TYW1: variants seen among roughly 807,000 people sequenced by gnomAD.
TYW1 encodes tRNA-yW synthesizing protein 1 homolog, also known as S-adenosyl-L-methionine-dependent tRNA 4-demethylwyosine synthase TYW1.
TYW1 carries 46 observed loss-of-function variants against 96.2 expected under a neutral mutation model. The ratio of observed to expected loss-of-function variants is 0.48; its 90% CI spans 0.38 to 0.61. The LOEUF is 0.61. TYW1 is among the 20% of genes least tolerant of loss of function. TYW1 has a pLI of 0.00. For synonymous variants in TYW1, 274 were observed against 323.0 expected, an observed-to-expected ratio of 0.85 and a Z score of 1.63; for missense variants, 684 against 909.6, an observed-to-expected ratio of 0.75 and a Z score of 3.19.
At chr7:67,042,324 C>T (rs73134229) in intron 7 of TYW1, among the ~76,000 whole-genome samples, 12 of 146,666 alleles carry the variant, frequency 8.2e-5, no homozygotes, top group Non-Finnish European at 1.5e-4. Context: ...ACCTCCCTCC[C>T]TCTGTAGTAC....
intron 13 of TYW1, among the ~76,000 whole-genome samples, chr7:67,129,357 T>G (rs1797995270): frequency 6.6e-6 from 1 of 152,202 alleles, no homozygotes. Context: ...TAGGTAAAAC[T>G]CACAAAAGTG....
chr7:67,003,718 A>G (rs1431257992), intron 3 of TYW1, among the ~76,000 whole-genome samples: 1 of 152,192 alleles, frequency 6.6e-6, no homozygotes, highest in Non-Finnish European at 1.5e-5. Context: ...GCAAGGTTGT[A>G]TTTTTTGTAG....
At chr7:67,159,194 A>G (rs1273825357) in intron 13 of TYW1, among the ~76,000 whole-genome samples, 1 of 152,134 alleles carries the variant, frequency 6.6e-6, no homozygotes, top group Admixed American at 6.6e-5. Flanking sequence ...ATTGCTGCAT[A>G]TTCATTAGTT....
At chr7:67,141,874 A>G (rs530577954) in intron 13 of TYW1, among the ~76,000 whole-genome samples, 1 of 152,266 alleles carries the variant, frequency 6.6e-6, no homozygotes, top group South Asian at 2.1e-4. Context: ...CCTCTCTACT[A>G]AAAATACAAA....
intron 12 of TYW1, among the ~76,000 whole-genome samples, chr7:67,103,853 A>T (rs1416611965): frequency 6.6e-6 from 1 of 152,202 alleles, no homozygotes; most frequent in East Asian, 1.9e-4. Flanking sequence ...CAGCCATGTC[A>T]TCTTTGAGCA....
At chr7:67,040,796 A>G (rs1438208206) in intron 7 of TYW1, among the ~76,000 whole-genome samples, 1 of 152,060 alleles carries the variant, frequency 6.6e-6, no homozygotes, top group African/African-American at 2.4e-5. Flanking sequence ...GTGAGCCGAG[A>G]TCACGCCACT....
chr7:67,193,596 T>G (rs1800293530), intron 14 of TYW1, among the ~76,000 whole-genome samples: 1 of 152,012 alleles, frequency 6.6e-6, no homozygotes, highest in African/African-American at 2.4e-5. Flanking sequence ...CCATCTCTAC[T>G]AAAAATACAA....
At chr7:67,025,748 T>C (rs1447661881) in intron 7 of TYW1, among the ~76,000 whole-genome samples, 5 of 152,096 alleles carry the variant, frequency 3.3e-5, no homozygotes, top group African/African-American at 1.2e-4. Context: ...ATTCCAGTGA[T>C]CTAAAATTGA....
At chr7:67,141,160 C>T (rs60111705) in intron 13 of TYW1, among the ~76,000 whole-genome samples, 9,259 of 152,118 alleles carry the variant, frequency 0.061, 562 homozygotes, top group East Asian at 0.14. Context: ...GGGCCCTTGT[C>T]GGCCTTAGTC....
At chr7:67,028,098 G>A (rs1261092620) in intron 7 of TYW1, among the ~76,000 whole-genome samples, 4 of 151,466 alleles carry the variant, frequency 2.6e-5, no homozygotes, top group African/African-American at 7.3e-5. Context: ...AATAAGCTGG[G>A]CATAGTGGCG....
At chr7:67,055,371 T>C in intron 8 of TYW1, among the ~76,000 whole-genome samples, 1 of 152,118 alleles carries the variant, frequency 6.6e-6, no homozygotes, top group African/African-American at 2.4e-5. Flanking sequence ...CGGAGGTAGA[T>C]GGATCACTTG....
intron 15 of TYW1, among the ~76,000 whole-genome samples, chr7:67,217,869 T>C (rs1801251762): frequency 7.2e-6 from 1 of 139,146 alleles, no homozygotes; most frequent in African/African-American, 2.8e-5. Context: ...TTTTTTTTTT[T>C]TTTTGAGACA....
chr7:67,167,240 C>T (rs965198114), intron 13 of TYW1, among the ~76,000 whole-genome samples: 17 of 151,992 alleles, frequency 1.1e-4, no homozygotes, highest in Admixed American at 6.6e-5. Flanking sequence ...GAGGCCGAGG[C>T]GGTTGGATCA....
chr7:67,156,753 G>A (rs1798988356), intron 13 of TYW1, among the ~76,000 whole-genome samples: 1 of 151,890 alleles, frequency 6.6e-6, no homozygotes, highest in Non-Finnish European at 1.5e-5. Context: ...GTCTGGTGGG[G>A]GTTGAGCTCA....
chr7:67,237,035 A>C (rs1801910470), intron 15 of TYW1, among the ~76,000 whole-genome samples: 1 of 152,000 alleles, frequency 6.6e-6, no homozygotes, highest in Admixed American at 6.5e-5. Flanking sequence ...ACATGCACAC[A>C]CCACCACGCC....
intron 15 of TYW1, among the ~76,000 whole-genome samples, chr7:67,237,487 G>A (rs1221657375): frequency 1.4e-5 from 2 of 138,700 alleles, no homozygotes; most frequent in Admixed American, 1.5e-4. Flanking sequence ...GCTACAGAGT[G>A]AGACTCTGTC....
chr7:67,000,303 T>A lies in TYW1; in HGVS notation c.273+1349T>A, dbSNP rs149364966. 7.3e-3 allele frequency among the ~76,000 whole-genome samples: 1,112 copies of A among 152,000 alleles called. 40 individuals are homozygous for A. The South Asian group carries it at 0.1, about 14-fold the overall frequency. ...CAAGGTCACAGCTATTTTAAAAAAA[T>A]TTATTTTATTTTTGAGATGGTATCT... On this transcript the variant is annotated intron_variant, in intron 3 of 15. Coordinates refer to ENST00000359626, the MANE Select transcript of TYW1 (RefSeq NM_018264.4).
intron 14 of TYW1, among the ~76,000 whole-genome samples, chr7:67,185,090 C>T (rs1183815081): frequency 1.3e-5 from 2 of 152,028 alleles, no homozygotes; most frequent in Non-Finnish European, 2.9e-5. Context: ...GGTGCTAGTG[C>T]ATGGAGGTCC....
chr7:67,029,909 C>T (rs905325365), intron 7 of TYW1, among the ~76,000 whole-genome samples: 2 of 152,094 alleles, frequency 1.3e-5, no homozygotes, highest in African/African-American at 4.8e-5. Flanking sequence ...CCATGTTGCC[C>T]AGGCCGATCT....
Sources: gnomAD v4.1 joint callset for allele counts (sites outside exome capture counted in the v4.1 genomes callset) on GRCh38, gnomAD v4.1.1 for gene constraint, MANE v1.5 for transcripts, NCBI Gene and HGNC (gene_info 2026-07-23, HGNC 2026-07-21) for gene names.